Variants in QTRT1 observed in about 807,000 individuals in gnomAD.
QTRT1 encodes the protein TGT, 43-KD subunit.
A neutral mutation model predicts 44.0 loss-of-function variants in QTRT1; 41 were observed. That is an observed-to-expected ratio of 0.93 (90% confidence interval 0.73 to 1.21). The LOEUF is 1.21. Among genes scored for constraint, QTRT1 ranks in the 50% most tolerant of loss-of-function variants. The pLI is 0.00. For synonymous variants in QTRT1, 226 were observed against 237.1 expected (o/e 0.95, Z 0.43); for missense variants, 542 against 575.8 (o/e 0.94, Z 0.60).
chr19:10,701,663 G>A lies in QTRT1; in HGVS notation c.203G>A (p.Arg68His). ...TTEQLDALGC[R>H]ICLGNTYHLG... is the part of the protein sequence containing the mutation. ...GAACAGCTGGACGCTCTGGGTTGCCGCATCTGCCTGGGCAATACCTACCAT... is the reference window on the plus strand; with the variant it reads ...GAACAGCTGGACGCTCTGGGTTGCCACATCTGCCTGGGCAATACCTACCAT... The change falls in exon 1 of 10, where the codon CGC (arginine) becomes CAC (histidine). Residue 68 changes from arginine to histidine, a missense_variant. Arg to His is a conservative substitution (Grantham distance 29, BLOSUM62 0). Transcript: ENST00000250237. 5 of 1,590,064 alleles carry A rather than the reference G, an allele frequency of 3.1e-6. No individual in the cohort carries two copies. Among genetic ancestry groups the A allele is most frequent in the East Asian group, 2.3e-5 (1 of 43,540 alleles).
intron 3 of QTRT1, among the ~76,000 whole-genome samples, chr19:10,706,212 GA>G (rs1037587375): frequency 6.6e-6 from 1 of 152,008 alleles, no homozygotes; most frequent in Admixed American, 6.6e-5. Flanking sequence ...TAATAATGGA[GA>G]TGGGGTCTCT....
Position 10,712,932 on chromosome 19 carries a change from C to T in QTRT1, c.972-21C>T, listed in dbSNP as rs2068745746. ...GGGGACAGGGCCTGGCCGTGCTGAG[C>T]TGTCCCCTGCCGCTCTACAGGCACA... On this transcript the variant is annotated intron_variant, in intron 8 of 9. Transcript: ENST00000250237. This position sits in a 1 kb window ranked among gnomAD's most constrained non-coding sequence, Gnocchi z 5.6. 6.2e-7 allele frequency: 1 copy of T among 1,612,838 alleles called. No homozygotes were observed. Among genetic ancestry groups the T allele is most frequent in the Non-Finnish European group, 8.5e-7 (1 of 1,179,792 alleles).
rs2068718609 is a variant in QTRT1, at chr19:10,707,338, G to T, written c.488G>T (p.Ser163Ile). 1.9e-6 allele frequency: 3 copies of T among 1,614,220 alleles called. No homozygotes were observed. The highest frequency in any genetic ancestry group is 2.5e-6 in the Non-Finnish European group (3 of 1,180,032). The change falls in exon 4 of 10, where the codon AGC (serine) becomes ATC (isoleucine). Residue 163 changes from serine to isoleucine, a missense_variant. By Grantham distance (142) the Ser-to-Ile change is moderately radical. Coordinates refer to ENST00000250237, the MANE Select transcript of QTRT1 (RefSeq NM_031209.3). ...DIIMQLDDVV[S>I]STVTGPRVEE... Reference sequence around the variant, plus strand: ...ATCATGCAGCTGGACGACGTGGTTAGCAGTACTGTGACTGGGCCACGTGTG... The same window carrying T: ...ATCATGCAGCTGGACGACGTGGTTATCAGTACTGTGACTGGGCCACGTGTG...
chr19:10,712,729 C>G lies in QTRT1; in HGVS notation c.862-29C>G. The G allele has an allele frequency of 1.3e-6, 2 of 1,599,350 alleles. No individual in the cohort carries two copies. Among genetic ancestry groups the G allele is most frequent in the African/African-American group, 1.3e-5 (1 of 74,722 alleles). ...GGGGAGAATGAAGCCCTGGGTGACG[C>G]CCCTTTCCCTGCCCTTCCTCTCCCA... On this transcript the variant is annotated intron_variant, in intron 7 of 9. Coordinates refer to ENST00000250237, the MANE Select transcript of QTRT1 (RefSeq NM_031209.3). The surrounding 1 kb of genome is among the most constrained non-coding windows in gnomAD (Gnocchi z 5.6).
chr19:10,711,357 G>A (rs541943588), intron 5 of QTRT1: 1 of 151,566 alleles, frequency 6.6e-6, no homozygotes, highest in South Asian at 2.1e-4. Flanking sequence ...TTTTTTAGTA[G>A]AGACAGGATT....
At chr19:10,710,816 G>A (rs1385071295) in intron 5 of QTRT1, among the ~76,000 whole-genome samples, 4 of 151,560 alleles carry the variant, frequency 2.6e-5, no homozygotes, top group African/African-American at 9.7e-5. Flanking sequence ...CCAGCTACTC[G>A]GGGGGCTGAG....
intron 3 of QTRT1, among the ~76,000 whole-genome samples, chr19:10,706,146 G>A (rs933069947): frequency 2.0e-5 from 3 of 152,016 alleles, no homozygotes; most frequent in Non-Finnish European, 2.9e-5. Context: ...GAGCCACTGC[G>A]CCCGGCTGTG....
chr19:10,702,207 A>G lies in QTRT1; in HGVS notation c.404A>G (p.Glu135Gly), dbSNP rs2068693170. The change falls in exon 3 of 10, where the codon GAG becomes GGG. Residue 135 changes from glutamate (E) to glycine (G), a missense_variant. By Grantham distance (98) the Glu-to-Gly change is moderately conservative. Coordinates refer to ENST00000250237, the MANE Select transcript of QTRT1 (RefSeq NM_031209.3). ...TTCCGCTCCCCCTACGACGGCAATG[A>G]GACCCTGCTGAGCCCGGAGAAATCC... is the stretch of plus-strand genomic sequence containing the variant. ...VRFRSPYDGN[E>G]TLLSPEKSVQ... is the part of the protein sequence containing the mutation. 1.2e-6 allele frequency: 2 copies of G among 1,613,986 alleles called. No homozygotes were observed. Among genetic ancestry groups the G allele is most frequent in the African/African-American group, 2.7e-5 (2 of 74,906 alleles).
rs114228601 is a variant in QTRT1 at position 10,704,183 on chromosome 19, A to G, written c.451+1929A>G. On this transcript the variant is annotated intron_variant, in intron 3 of 9. Coordinates refer to ENST00000250237, the MANE Select transcript of QTRT1 (RefSeq NM_031209.3). ...GTAGAGATTAGAGTCTCACTACATTATCTGGGCTGGTCTTGAACTCCTGGC... is the reference window on the plus strand; with the variant it reads ...GTAGAGATTAGAGTCTCACTACATTGTCTGGGCTGGTCTTGAACTCCTGGC... Among the ~76,000 whole-genome samples the G allele has an allele frequency of 9.1e-3, 1,379 of 152,044 alleles. 25 individuals are homozygous for G. Among genetic ancestry groups the G allele is most frequent in the African/African-American group, 0.032 (1,315 of 41,488 alleles).
chr19:10,702,336 T>C, intron 3 of QTRT1, 82 bp downstream of exon 3: 6 of 1,515,992 alleles, frequency 4.0e-6, no homozygotes, highest in Non-Finnish European at 5.4e-6. Flanking sequence ...TTAGCTGTTG[T>C]GTGGCTTTGA....
rs558366017 is a variant in QTRT1 at position 10,712,793 on chromosome 19, G to A, written c.897G>A (p.Leu299=). ...FGSALVPTGN[L]QLRKKVFEKD... ...CTGCCCTGGTGCCCACTGGGAACCTGCAGTTGAGGAAGAAGGTGTTTGAGA... is the reference window on the plus strand; with the variant it reads ...CTGCCCTGGTGCCCACTGGGAACCTACAGTTGAGGAAGAAGGTGTTTGAGA... Residue 299 remains leucine, a synonymous_variant, in exon 8 of 10, where the codon CTG becomes CTA. Coordinates refer to ENST00000250237, the MANE Select transcript of QTRT1 (RefSeq NM_031209.3). The surrounding 1 kb of genome is among the most constrained non-coding windows in gnomAD (Gnocchi z 5.6). 1.2e-6 allele frequency: 2 copies of A among 1,614,050 alleles called. No individual in the cohort carries two copies. Among genetic ancestry groups the A allele is most frequent in the African/African-American group, 1.3e-5 (1 of 75,020 alleles).
chr19:10,711,741 C>A (rs937788860), intron 5 of QTRT1: 2 of 244,040 alleles, frequency 8.2e-6, no homozygotes, highest in African/African-American at 4.6e-5. Flanking sequence ...GGATGACAGG[C>A]GTGAGCCACT....
At chr19:10,710,061 T>A (rs1489739580) in intron 5 of QTRT1, among the ~76,000 whole-genome samples, 1 of 151,948 alleles carries the variant, frequency 6.6e-6, no homozygotes, top group East Asian at 1.9e-4. Flanking sequence ...AGTGTGTGCC[T>A]GTGATCCTAG....
At chr19:10,706,988 G>C (rs2068716888) in intron 3 of QTRT1, among the ~76,000 whole-genome samples, 1 of 152,200 alleles carries the variant, frequency 6.6e-6, no homozygotes, top group African/African-American at 2.4e-5. Context: ...AGTCAGCAGA[G>C]CCCTGCTGAT....
At position 10,701,505 on chromosome 19, in the gene QTRT1, G is replaced by C. The variant is rs764251539; in HGVS notation, c.45G>C (p.Arg15=). 6.3e-7 allele frequency: 1 copy of C among 1,590,378 alleles called. No homozygotes were observed. Among genetic ancestry groups the C allele is most frequent in the Non-Finnish European group, 8.6e-7 (1 of 1,165,812 alleles). The change falls in exon 1 of 10, where the codon CGG becomes CGC. Residue 15 remains arginine, a synonymous_variant. Coordinates refer to ENST00000250237, the MANE Select transcript of QTRT1 (RefSeq NM_031209.3). ...ATQASLESAP[R]IMRLVAECSR... ...AGGCTTCCCTGGAGTCGGCCCCACGGATCATGCGGCTGGTGGCCGAATGCA... is the reference window on the plus strand; with the variant it reads ...AGGCTTCCCTGGAGTCGGCCCCACGCATCATGCGGCTGGTGGCCGAATGCA...
intron 3 of QTRT1, among the ~76,000 whole-genome samples, chr19:10,707,101 G>A (rs1223254368): frequency 1.3e-5 from 2 of 152,212 alleles, no homozygotes; most frequent in Non-Finnish European, 2.9e-5. Context: ...ATTTTAAGCT[G>A]GGGAGAGGCA....
chr19:10,701,814 T>C, intron 1 of QTRT1, 111 bp downstream of exon 1: 2 of 1,575,472 alleles, frequency 1.3e-6, no homozygotes, highest in Non-Finnish European at 1.7e-6. Context: ...CCAGCTGTAT[T>C]GAGCGCCCCC....
intron 5 of QTRT1, among the ~76,000 whole-genome samples, chr19:10,710,457 C>T (rs1028730593): frequency 5.3e-5 from 8 of 151,956 alleles, no homozygotes; most frequent in African/African-American, 1.4e-4. Context: ...GCTGGGATTA[C>T]AGGCACCAGC....
In QTRT1 at chr19:10,707,506, C is replaced by G; in HGVS notation, c.537C>G (p.Ile179Met). The G allele has an allele frequency of 6.2e-7, 1 of 1,611,602 alleles. No individual in the cohort carries two copies. Among genetic ancestry groups the G allele is most frequent in the African/African-American group, 1.3e-5 (1 of 75,016 alleles). ...PRVEEAMYRS[I>M]RWLDRCIAAH... Reference sequence around the variant, plus strand: ...GACTGGGGCCCTGTTGCAGGTCAATCCGCTGGCTGGACCGGTGCATTGCAG... The same window carrying G: ...GACTGGGGCCCTGTTGCAGGTCAATGCGCTGGCTGGACCGGTGCATTGCAG... Residue 179 changes from isoleucine (I) to methionine (M), a missense_variant, in exon 5 of 10, where the codon ATC becomes ATG. Coordinates refer to ENST00000250237, the MANE Select transcript of QTRT1 (RefSeq NM_031209.3).
Sources: allele counts gnomAD v4.1 joint callset (sites outside exome capture counted in the v4.1 genomes callset), GRCh38; gene constraint gnomAD v4.1.1; non-coding constraint Gnocchi (gnomAD v3.1); transcripts MANE v1.5; gene names NCBI Gene and HGNC (gene_info 2026-07-23, HGNC 2026-07-21).